SYNGR4: variants seen among roughly 807,000 people sequenced by gnomAD.
SYNGR4 encodes synaptogyrin 4.
Under a neutral mutation model 15.5 loss-of-function variants are expected in SYNGR4, and 15 were observed. The ratio of observed to expected loss-of-function variants is 0.97; its 90% CI spans 0.65 to 1.49. The LOEUF (loss-of-function observed/expected upper bound fraction) is 1.49. Among genes scored for constraint, SYNGR4 ranks in the 40% most tolerant of loss-of-function variants. SYNGR4 has a pLI of 0.00. For missense variants in SYNGR4, 292 were observed against 299.3 expected (o/e 0.98, Z 0.18); for synonymous variants, 121 against 127.4 (o/e 0.95, Z 0.34).
chr19:48,365,790 C>T lies in SYNGR4; in HGVS notation c.-53C>T, dbSNP rs557145260. 6.9e-5 allele frequency: 110 copies of T among 1,593,296 alleles called. No homozygotes were observed. Among genetic ancestry groups the T allele is most frequent in the Non-Finnish European group, 8.8e-5 (102 of 1,163,918 alleles). ...CCGGACGGCAGTGCCCAGCAGGCAG[C>T]GCCCAGCACCCTGGCTCCCACCTCC... On this transcript the variant is annotated 5_prime_UTR_variant, in exon 2 of 5. Coordinates refer to ENST00000344846, the MANE Select transcript of SYNGR4 (RefSeq NM_012451.4).
intron 1 of SYNGR4, 30 bp from the exon 2 acceptor site, chr19:48,365,706 C>G: frequency 2.7e-6 from 2 of 727,666 alleles, no homozygotes. Flanking sequence ...GTGCCCCTGA[C>G]TGGCATCCCC....
At chr19:48,371,371 G>A (rs929158576) in intron 2 of SYNGR4, among the ~76,000 whole-genome samples, 1 of 138,242 alleles carries the variant, frequency 7.2e-6, no homozygotes, top group Non-Finnish European at 1.5e-5. Context: ...ACACCAGCTC[G>A]TCTTTGTCTG....
chr19:48,373,923 G>A (rs1196549051), intron 3 of SYNGR4, among the ~76,000 whole-genome samples, 169 bp downstream of exon 3: 1 of 152,134 alleles, frequency 6.6e-6, no homozygotes, highest in African/African-American at 2.4e-5. Flanking sequence ...TTCTCACTGT[G>A]CCTGGCACCT....
intron 2 of SYNGR4, among the ~76,000 whole-genome samples, chr19:48,372,222 T>C (rs1970318553): frequency 6.6e-6 from 1 of 151,896 alleles, no homozygotes; most frequent in Non-Finnish European, 1.5e-5. Context: ...CTCCTTATCC[T>C]CTCTGTGCCC....
chr19:48,367,964 G>A (rs1970245822), intron 2 of SYNGR4, among the ~76,000 whole-genome samples: 1 of 152,210 alleles, frequency 6.6e-6, no homozygotes, highest in Non-Finnish European at 1.5e-5. Context: ...CCCCGGCTCA[G>A]ACCCAGGGTC....
intron 2 of SYNGR4, among the ~76,000 whole-genome samples, chr19:48,366,982 C>T (rs1476248742): frequency 6.6e-6 from 1 of 151,912 alleles, no homozygotes; most frequent in Non-Finnish European, 1.5e-5. Flanking sequence ...GGCGAAAACC[C>T]ATCTCTACTA....
intron 2 of SYNGR4, among the ~76,000 whole-genome samples, chr19:48,367,832 G>T (rs1276321388): frequency 3.3e-5 from 5 of 152,194 alleles, no homozygotes; most frequent in African/African-American, 1.2e-4. Context: ...TACATGAAGG[G>T]TTAGGGCTGT....
In SYNGR4 at chr19:48,365,854, C is replaced by T; in HGVS notation, c.12C>T (p.Pro4=). 1 of 1,613,850 alleles carries T rather than the reference C, an allele frequency of 6.2e-7. No homozygotes were observed. Among genetic ancestry groups the T allele is most frequent in the Non-Finnish European group, 8.5e-7 (1 of 1,179,984 alleles). ...GGAAAACAGCTGCCATGCACATCCCCAAAAGCCTCCAGGAGCTGGCCAACA... is the reference window on the plus strand; with the variant it reads ...GGAAAACAGCTGCCATGCACATCCCTAAAAGCCTCCAGGAGCTGGCCAACA... MHI[P]KSLQELANSE... The change falls in exon 2 of 5, where the codon CCC becomes CCT. Residue 4 remains proline, a synonymous_variant. Transcript: ENST00000344846.
chr19:48,364,858 C>T (rs1484835563), intron 1 of SYNGR4, among the ~76,000 whole-genome samples: 1 of 151,958 alleles, frequency 6.6e-6, no homozygotes, highest in African/African-American at 2.4e-5. Context: ...GGACCCAGTC[C>T]CTCTGCAGGC....
chr19:48,369,936 G>A (rs1411295999), intron 2 of SYNGR4, among the ~76,000 whole-genome samples: 1 of 152,194 alleles, frequency 6.6e-6, no homozygotes, highest in Non-Finnish European at 1.5e-5. Flanking sequence ...GTGAGATGAT[G>A]GATGTGAATA....
chr19:48,369,689 T>C (rs890252137), intron 2 of SYNGR4, among the ~76,000 whole-genome samples: 2 of 152,206 alleles, frequency 1.3e-5, no homozygotes, highest in Non-Finnish European at 2.9e-5. Flanking sequence ...ATTTATCACC[T>C]GTGAAACAGA....
At chr19:48,374,327 C>A (rs1320615480) in intron 3 of SYNGR4, among the ~76,000 whole-genome samples, 1 of 152,150 alleles carries the variant, frequency 6.6e-6, no homozygotes, top group Admixed American at 6.5e-5. Flanking sequence ...GATCCACCCA[C>A]CTCTGCCTCC....
At chr19:48,364,832 G>A (rs1970164254) in intron 1 of SYNGR4, among the ~76,000 whole-genome samples, 1 of 151,848 alleles carries the variant, frequency 6.6e-6, no homozygotes, top group African/African-American at 2.4e-5. Context: ...AGTCCCACCT[G>A]TGTCCTCTCA....
chr19:48,368,915 T>C (rs1970261899), intron 2 of SYNGR4, among the ~76,000 whole-genome samples: 1 of 152,102 alleles, frequency 6.6e-6, no homozygotes, highest in Non-Finnish European at 1.5e-5. Flanking sequence ...AGAGGTTGAG[T>C]GGCATGCCCA....
intron 2 of SYNGR4, among the ~76,000 whole-genome samples, chr19:48,366,314 C>T (rs1041023164): frequency 6.6e-6 from 1 of 150,604 alleles, no homozygotes; most frequent in African/African-American, 2.4e-5. Context: ...CACTCGAACC[C>T]GGGTGGTGGA....
At chr19:48,373,955 A>T (rs75411857) in intron 3 of SYNGR4, among the ~76,000 whole-genome samples, 4,341 of 151,652 alleles carry the variant, frequency 0.029, 100 homozygotes, top group Non-Finnish European at 0.044. Flanking sequence ...CTGGGGAATT[A>T]TTTTTATCCT....
intron 3 of SYNGR4, among the ~76,000 whole-genome samples, chr19:48,374,238 C>T (rs544082041): frequency 1.1e-4 from 16 of 152,076 alleles, no homozygotes; most frequent in Admixed American, 6.6e-4. Context: ...CCACCACACC[C>T]GGCTAATTAT....
At chr19:48,370,671 C>T (rs765526242) in intron 2 of SYNGR4, among the ~76,000 whole-genome samples, 46 of 152,172 alleles carry the variant, frequency 3.0e-4, no homozygotes, top group South Asian at 1.5e-3. Flanking sequence ...ATGATCCTTC[C>T]GCCTTAACCT....
intron 2 of SYNGR4, among the ~76,000 whole-genome samples, chr19:48,366,803 C>A (rs1569043857): frequency 1.3e-5 from 2 of 152,132 alleles, no homozygotes; most frequent in African/African-American, 2.4e-5. Flanking sequence ...CCATTCTTCA[C>A]TCACAGTGGC....
Sources: gnomAD v4.1 joint callset for allele counts (sites outside exome capture counted in the v4.1 genomes callset) on GRCh38, gnomAD v4.1.1 for gene constraint, MANE v1.5 for transcripts, NCBI Gene and HGNC (gene_info 2026-07-23, HGNC 2026-07-21) for gene names.